FERMT1: variants seen among roughly 807,000 people sequenced by gnomAD.
FERMT1 encodes the protein fermitin family homolog 1.
Under a neutral mutation model 85.3 loss-of-function variants are expected in FERMT1, and 60 were observed. The observed-to-expected ratio is 0.70, with a 90% CI of 0.57 to 0.87. The LOEUF (loss-of-function observed/expected upper bound fraction) is 0.87. Among genes scored for constraint, FERMT1 ranks in the 40% least tolerant of loss-of-function variants. The probability of loss-of-function intolerance (pLI) is 0.00; values close to 1 mark genes in which losing one functional copy is unlikely to be tolerated. For synonymous variants in FERMT1, 275 were observed against 301.1 expected, an observed-to-expected ratio of 0.91 and a Z score of 0.90; for missense variants, 701 against 818.9, an observed-to-expected ratio of 0.86 and a Z score of 1.76.
chr20:6,110,669 T>C (rs1235273408), intron 4 of FERMT1, among the ~76,000 whole-genome samples, 158 bp from the exon 5 acceptor site: 1 of 152,218 alleles, frequency 6.6e-6, no homozygotes, highest in Non-Finnish European at 1.5e-5. Context: ...CCCGCGTCTA[T>C]AATCCTAGCT....
intron 6 of FERMT1, among the ~76,000 whole-genome samples, chr20:6,106,400 G>T (rs1267808820): frequency 1.3e-5 from 2 of 152,138 alleles, no homozygotes; most frequent in African/African-American, 4.8e-5. Flanking sequence ...ACAAGAGGTG[G>T]AAATGCTGGT....
At position 6,110,525 on chromosome 20, in the gene FERMT1, G is replaced by A. The variant is rs749711628; in HGVS notation, c.533-14C>T. 1.6e-5 allele frequency: 25 copies of A among 1,590,592 alleles called. No individual in the cohort carries two copies. In the East Asian group the frequency reaches 5.6e-4, roughly 36 times the overall value. On this transcript the variant is annotated splice_polypyrimidine_tract_variant and intron_variant, in intron 4 of 14. Transcript: ENST00000217289. ...AACCAGGACTTACTGCAAGGCAGGGGGATCAAGAACTATGATATGAGAATC... is the reference window on the plus strand; with the variant it reads ...AACCAGGACTTACTGCAAGGCAGGGAGATCAAGAACTATGATATGAGAATC...
intron 9 of FERMT1, among the ~76,000 whole-genome samples, chr20:6,092,052 T>G (rs1381304575): frequency 6.6e-6 from 1 of 151,944 alleles, no homozygotes; most frequent in Non-Finnish European, 1.5e-5. Flanking sequence ...GCGATTCTCC[T>G]GCCTCAGCCT....
intron 1 of FERMT1, among the ~76,000 whole-genome samples, chr20:6,121,785 A>T (rs1983282483): frequency 6.6e-6 from 1 of 152,162 alleles, no homozygotes; most frequent in Non-Finnish European, 1.5e-5. Flanking sequence ...TATTCACCAC[A>T]CTGGGAAACC....
rs879128472 is a variant in FERMT1 at position 6,076,264 on chromosome 20, G to C, written c.*909C>G. 2 of 360,692 alleles carry C rather than the reference G, an allele frequency of 5.5e-6. No homozygotes were observed. Among genetic ancestry groups the C allele is most frequent in the South Asian group, 4.3e-5 (2 of 47,016 alleles). 22.3% of individuals were successfully genotyped at this position (360,692 alleles called of 1,614,324 possible). A position where few individuals can be genotyped will look rare whatever the true frequency, so the allele number is the denominator to read the frequency against. ...GGGTCTGCCCTTCTCTCCCTGACCAGTTGGGATAGACACCTGACTGGAATC... is the reference window on the plus strand; with the variant it reads ...GGGTCTGCCCTTCTCTCCCTGACCACTTGGGATAGACACCTGACTGGAATC... On this transcript the variant is annotated 3_prime_UTR_variant, in exon 15 of 15. Coordinates refer to ENST00000217289, the MANE Select transcript of FERMT1 (RefSeq NM_017671.5).
chr20:6,077,080 C>T lies in FERMT1; in HGVS notation c.*93G>A, dbSNP rs1272133013. Reference sequence around the variant, plus strand: ...CGGTGAATGTATGTTGTCTGTTAGTCCAGAATCTACATGCTGGGCACGTTA... The same window carrying T: ...CGGTGAATGTATGTTGTCTGTTAGTTCAGAATCTACATGCTGGGCACGTTA... On this transcript the variant is annotated 3_prime_UTR_variant, in exon 15 of 15. Transcript: ENST00000217289. 2 of 1,278,622 alleles carry T rather than the reference C, an allele frequency of 1.6e-6. No individual in the cohort carries two copies. Among genetic ancestry groups the T allele is most frequent in the East Asian group, 4.6e-5 (2 of 43,324 alleles). The allele number at this position is 1,278,622 out of a possible 1,614,324, so 79.2% of individuals were successfully genotyped here. A position where few individuals can be genotyped will look rare whatever the true frequency, so the allele number is the denominator to read the frequency against.
chr20:6,101,951 C>T (rs59379388), intron 6 of FERMT1, among the ~76,000 whole-genome samples: 20,648 of 152,082 alleles, frequency 0.14, 1,954 homozygotes, highest in African/African-American at 0.27. Context: ...CCACTGTGCC[C>T]GCCCTATGTT....
chr20:6,112,016 G>A (rs951256534), intron 4 of FERMT1, among the ~76,000 whole-genome samples: 86 of 151,978 alleles, frequency 5.7e-4, no homozygotes, highest in African/African-American at 2.0e-3. Flanking sequence ...GCATGCAGCA[G>A]CATGCCCAGG....
chr20:6,118,597 G>T (rs1421886792), intron 2 of FERMT1, among the ~76,000 whole-genome samples: 5 of 152,118 alleles, frequency 3.3e-5, no homozygotes, highest in South Asian at 4.2e-4. Flanking sequence ...TGAAAAGCCC[G>T]CATCTAAGGC....
At chr20:6,112,675 T>G (rs1230092820) in intron 3 of FERMT1, 52 bp from the exon 4 acceptor site, 8 of 1,283,482 alleles carry the variant, frequency 6.2e-6, no homozygotes, top group Non-Finnish European at 8.5e-6. Flanking sequence ...GAAAACTCCT[T>G]CTAAGACTCA....
chr20:6,116,733 A>AAAAAAG (rs901985319), intron 2 of FERMT1, among the ~76,000 whole-genome samples: 4 of 151,986 alleles, frequency 2.6e-5, no homozygotes, highest in African/African-American at 9.7e-5. Flanking sequence ...CTGTCTCAAA[A>AAAAAAG]AAAAAAAAAT....
At chr20:6,106,479 G>A (rs1982799467) in intron 6 of FERMT1, among the ~76,000 whole-genome samples, 1 of 152,150 alleles carries the variant, frequency 6.6e-6, no homozygotes, top group Admixed American at 6.5e-5. Context: ...GGCAGTAAAT[G>A]GAAAAGAGCA....
intron 5 of FERMT1, 67 bp downstream of exon 5, chr20:6,110,231 C>T (rs923674432): frequency 8.2e-6 from 11 of 1,339,938 alleles, no homozygotes; most frequent in Middle Eastern, 2.5e-4. Context: ...GAAAATGAAA[C>T]GTGACATCCC....
intron 7 of FERMT1, among the ~76,000 whole-genome samples, 174 bp downstream of exon 7, chr20:6,097,350 T>G (rs1982534599): frequency 6.6e-6 from 1 of 152,142 alleles, no homozygotes; most frequent in Non-Finnish European, 1.5e-5. Flanking sequence ...AAATTAAAAA[T>G]TTGTTCTGGT....
chr20:6,087,763 G>GTCACT lies in FERMT1; in HGVS notation c.1371+13_1371+14insAGTGA, dbSNP rs1982226259. On this transcript the variant is annotated intron_variant, in intron 11 of 14. Transcript: ENST00000217289. ...GGAGGTGAAGTGACTTAATATTTTTGGGGTTTTACTCACATGGTCACATCT... is the reference window on the plus strand; with the variant it reads ...GGAGGTGAAGTGACTTAATATTTTTGTCACTGGGTTTTACTCACATGGTCACATCT... 1.4e-6 allele frequency: 2 copies of GTCACT among 1,392,780 alleles called. No individual in the cohort carries two copies. Among genetic ancestry groups the GTCACT allele is most frequent in the Non-Finnish European group, 2.0e-6 (2 of 977,990 alleles). The allele number at this position is 1,392,780 out of a possible 1,614,324, so 86.3% of individuals were successfully genotyped here.
chr20:6,109,465 G>A (rs1982885496), intron 5 of FERMT1, among the ~76,000 whole-genome samples: 1 of 152,220 alleles, frequency 6.6e-6, no homozygotes, highest in Non-Finnish European at 1.5e-5. Flanking sequence ...CTTCTAGGAA[G>A]GTGAATGCTG....
At chr20:6,120,381 C>G (rs977911551) in intron 1 of FERMT1, 20 of 152,170 alleles carry the variant, frequency 1.3e-4, no homozygotes, top group African/African-American at 4.8e-4. Context: ...ATAAAAAGCT[C>G]ACTCTTCAAA....
chr20:6,076,746 T>C lies in FERMT1; in HGVS notation c.*427A>G. 1.2e-5 allele frequency: 4 copies of C among 326,826 alleles called. No individual in the cohort carries two copies. The highest frequency in any genetic ancestry group is 1.1e-4 in the South Asian group (4 of 37,890). 20.2% of individuals were successfully genotyped at this position (326,826 alleles called of 1,614,324 possible). A position where few individuals can be genotyped will look rare whatever the true frequency, so the allele number is the denominator to read the frequency against. On this transcript the variant is annotated 3_prime_UTR_variant, in exon 15 of 15. Transcript: ENST00000217289. The stretch of plus-strand genomic sequence containing the variant: ...CATGAAGGACAGGCGTTTCGTTTCA[T>C]ACCTGAGTTTGTGAAATAAGAGTTG...
chr20:6,085,685 A>G (rs1380039517), intron 11 of FERMT1, among the ~76,000 whole-genome samples: 2 of 152,106 alleles, frequency 1.3e-5, no homozygotes, highest in African/African-American at 4.8e-5. Context: ...CCCTGTGTCT[A>G]CTAAAAATAC....
Sources: allele counts gnomAD v4.1 joint callset (sites outside exome capture counted in the v4.1 genomes callset), GRCh38; gene constraint gnomAD v4.1.1; transcripts MANE v1.5; gene names NCBI Gene and HGNC (gene_info 2026-07-23, HGNC 2026-07-21).